Variants in ARSJ observed in about 807,000 individuals in gnomAD.
ARSJ encodes arylsulfatase J.
In ARSJ, 26 loss-of-function variants were observed where a neutral mutation model predicts 35.9. The observed-to-expected ratio is 0.72, with a 90% CI of 0.53 to 1.00. The LOEUF is 1.00. Among genes scored for constraint, ARSJ ranks in the 50% least tolerant of loss-of-function variants. The pLI, the probability that ARSJ is intolerant of heterozygous loss-of-function variation, is 0.00. For missense variants in ARSJ, 667 were observed against 723.6 expected, an observed-to-expected ratio of 0.92 and a Z score of 0.90; for synonymous variants, 294 against 267.6, an observed-to-expected ratio of 1.10 and a Z score of -0.96.
intron 1 of ARSJ, among the ~76,000 whole-genome samples, chr4:113,921,677 A>G (rs1723689369): frequency 6.6e-6 from 1 of 152,130 alleles, no homozygotes; most frequent in Non-Finnish European, 1.5e-5. Context: ...GTGTTAATTC[A>G]ACTTGTAACA....
At chr4:113,960,012 T>A (rs1379723893) in intron 1 of ARSJ, among the ~76,000 whole-genome samples, 1 of 152,118 alleles carries the variant, frequency 6.6e-6, no homozygotes, top group Non-Finnish European at 1.5e-5. Context: ...TATTGTTCTC[T>A]TTCCATTCTT....
chr4:113,900,608 A>G lies in ARSJ; in HGVS notation c.*1666T>C, dbSNP rs1374448584. ...AATGTATTTAATGGTATGCTGTCAT[A>G]CCACCACACACATTTTCAGATCACA... On this transcript the variant is annotated 3_prime_UTR_variant, in exon 2 of 2. Transcript: ENST00000315366. 6.6e-6 allele frequency: 1 copy of G among 152,136 alleles called. No homozygotes were observed. Among genetic ancestry groups the G allele is most frequent in the Non-Finnish European group, 1.5e-5 (1 of 68,008 alleles). 9.4% of individuals were successfully genotyped at this position (152,136 alleles called of 1,614,324 possible).
chr4:113,936,712 G>C (rs1185615105), intron 1 of ARSJ, among the ~76,000 whole-genome samples: 1 of 151,720 alleles, frequency 6.6e-6, no homozygotes, highest in African/African-American at 2.4e-5. Context: ...AAAATAATTG[G>C]AAGGGCACTG....
chr4:113,930,476 C>T (rs1235052697), intron 1 of ARSJ, among the ~76,000 whole-genome samples: 2 of 152,076 alleles, frequency 1.3e-5, no homozygotes, highest in Non-Finnish European at 2.9e-5. Flanking sequence ...CAGACACACT[C>T]AGGATTAATA....
At chr4:113,941,278 T>C (rs1052646176) in intron 1 of ARSJ, among the ~76,000 whole-genome samples, 1 of 152,080 alleles carries the variant, frequency 6.6e-6, no homozygotes, top group Non-Finnish European at 1.5e-5. Flanking sequence ...TGCAGTTACA[T>C]ACATGAACAA....
At chr4:113,905,707 A>C in intron 1 of ARSJ, among the ~76,000 whole-genome samples, 1 of 116,878 alleles carries the variant, frequency 8.6e-6, no homozygotes, top group Non-Finnish European at 1.6e-5. Flanking sequence ...TCGCTCTATC[A>C]CCCAGGCTGG....
intron 1 of ARSJ, among the ~76,000 whole-genome samples, chr4:113,919,127 T>C (rs1346334891): frequency 2.6e-5 from 4 of 152,120 alleles, no homozygotes; most frequent in Non-Finnish European, 4.4e-5. Context: ...TTTTTTCCTA[T>C]CTAGATTGCA....
intron 1 of ARSJ, among the ~76,000 whole-genome samples, chr4:113,926,790 C>T (rs1345645397): frequency 2.0e-5 from 3 of 152,258 alleles, no homozygotes; most frequent in Admixed American, 6.5e-5. Context: ...CATAGTCAGA[C>T]GTTCAGTTTC....
At chr4:113,925,399 C>T (rs550171382) in intron 1 of ARSJ, among the ~76,000 whole-genome samples, 1 of 152,088 alleles carries the variant, frequency 6.6e-6, no homozygotes, top group South Asian at 2.1e-4. Flanking sequence ...TTTCCTGGAC[C>T]CGTGAATCCT....
In ARSJ at chr4:113,903,499, C is replaced by G; in HGVS notation, c.575G>C (p.Gly192Ala). Residue 192 changes from glycine to alanine, a missense_variant, in exon 2 of 2, where the codon GGA becomes GCA. Transcript: ENST00000315366. ...YRKECMPTRR[G>A]FDTFFGSLLG... ...AAGGGAACCAAAAAAGGTATCAAATCCTCTTCTGGTGGGCATGCATTCTTT... is the reference window on the plus strand; with the variant it reads ...AAGGGAACCAAAAAAGGTATCAAATGCTCTTCTGGTGGGCATGCATTCTTT... 1.2e-6 allele frequency: 2 copies of G among 1,614,144 alleles called. No individual in the cohort carries two copies. Among genetic ancestry groups the G allele is most frequent in the Non-Finnish European group, 1.7e-6 (2 of 1,180,012 alleles).
chr4:113,906,753 A>T (rs1410611349), intron 1 of ARSJ: 4 of 456,026 alleles, frequency 8.8e-6, no homozygotes, highest in Non-Finnish European at 1.8e-5. Context: ...CATCTGTAAA[A>T]TAGGGATAAT....
rs558355589 is a variant in ARSJ at position 113,961,753 on chromosome 4, C to T, written c.398+16684G>A. On this transcript the variant is annotated intron_variant, in intron 1 of 1. Coordinates refer to ENST00000315366, the MANE Select transcript of ARSJ (RefSeq NM_024590.4). ...ACTTCAAGTTTTAACAAAAATCTTG[C>T]CAGATGTAAATCCTTAAAAATTATA... is the stretch of plus-strand genomic sequence containing the variant. Among the ~76,000 whole-genome samples the T allele has an allele frequency of 2.6e-5, 4 of 152,184 alleles. No individual in the cohort carries two copies. In the South Asian group the frequency reaches 8.3e-4, roughly 32 times the overall value.
At chr4:113,921,019 G>A (rs1186738050) in intron 1 of ARSJ, among the ~76,000 whole-genome samples, 1 of 151,156 alleles carries the variant, frequency 6.6e-6, no homozygotes, top group African/African-American at 2.4e-5. Context: ...GGTGCTGCAT[G>A]GAGTTGATTT....
At chr4:113,929,439 G>A (rs1454912834) in intron 1 of ARSJ, among the ~76,000 whole-genome samples, 1 of 152,118 alleles carries the variant, frequency 6.6e-6, no homozygotes, top group African/African-American at 2.4e-5. Flanking sequence ...GTTGGGGCAG[G>A]AGGGATGTTG....
At chr4:113,919,948 G>GCC (rs78201846) in intron 1 of ARSJ, among the ~76,000 whole-genome samples, 1 of 148,574 alleles carries the variant, frequency 6.7e-6, no homozygotes, top group Admixed American at 6.7e-5. Context: ...TTTTATTAAA[G>GCC]ATTTTTTTTT....
intron 1 of ARSJ, among the ~76,000 whole-genome samples, chr4:113,918,410 GTAAA>G (rs1723455028): frequency 6.6e-6 from 1 of 152,022 alleles, no homozygotes; most frequent in Non-Finnish European, 1.5e-5. Context: ...TTTTGAATGA[GTAAA>G]TAAATATTTT....
intron 1 of ARSJ, among the ~76,000 whole-genome samples, chr4:113,943,819 G>A (rs1725309272): frequency 6.6e-6 from 1 of 151,976 alleles, no homozygotes; most frequent in Admixed American, 6.6e-5. Context: ...AGATCAGTAT[G>A]TTCATGAACA....
At chr4:113,948,493 C>A (rs192099742) in intron 1 of ARSJ, among the ~76,000 whole-genome samples, 214 of 152,178 alleles carry the variant, frequency 1.4e-3, no homozygotes, top group African/African-American at 4.9e-3. Flanking sequence ...TTTACAGTAT[C>A]TAGGCAGCTT....
At chr4:113,919,376 T>G (rs112653543) in intron 1 of ARSJ, among the ~76,000 whole-genome samples, 5 of 152,184 alleles carry the variant, frequency 3.3e-5, no homozygotes, top group Admixed American at 3.3e-4. Context: ...CACTTCTCTA[T>G]GTATTCACAT....
Sources: allele counts gnomAD v4.1 joint callset (sites outside exome capture counted in the v4.1 genomes callset), GRCh38; gene constraint gnomAD v4.1.1; transcripts MANE v1.5; gene names NCBI Gene and HGNC (gene_info 2026-07-23, HGNC 2026-07-21).